The following PTPRT variants were observed in gnomAD, a reference collection of about 807,000 sequenced individuals.
The protein encoded by PTPRT is protein tyrosine phosphatase receptor type T.
In PTPRT, 56 loss-of-function variants were observed where a neutral mutation model predicts 176.8. The ratio of observed to expected loss-of-function variants is 0.32; its 90% CI spans 0.26 to 0.40. The LOEUF is 0.40. Among genes scored for constraint, PTPRT ranks in the 10% least tolerant of loss-of-function variants. The pLI is 1.00. For missense variants in PTPRT, 1,540 were observed against 1,908.2 expected (o/e 0.81, Z 3.60); for synonymous variants, 783 against 739.0 (o/e 1.06, Z -0.96).
At chr20:42,645,915 T>G (rs2074885758) in intron 7 of PTPRT, among the ~76,000 whole-genome samples, 1 of 152,130 alleles carries the variant, frequency 6.6e-6, no homozygotes, top group African/African-American at 2.4e-5. Flanking sequence ...GTGCTGGAGA[T>G]GCTTCAATTA....
At chr20:42,165,192 C>T (rs1989774658) in intron 16 of PTPRT, among the ~76,000 whole-genome samples, 1 of 152,074 alleles carries the variant, frequency 6.6e-6, no homozygotes, top group African/African-American at 2.4e-5. Context: ...ATCCCCTGCC[C>T]CACTGCTACC....
At chr20:42,248,621 G>A (rs1348148337) in intron 14 of PTPRT, 66 bp downstream of exon 14, 1 of 1,571,764 alleles carries the variant, frequency 6.4e-7, no homozygotes, top group Non-Finnish European at 8.7e-7. Context: ...GCAAAAACCT[G>A]GCCACACAGC....
intron 7 of PTPRT, among the ~76,000 whole-genome samples, chr20:42,571,950 G>A (rs2073162271): frequency 6.6e-6 from 1 of 152,168 alleles, no homozygotes; most frequent in Non-Finnish European, 1.5e-5. Flanking sequence ...TTAGAGCCTG[G>A]TGCTCTCCTG....
At chr20:43,041,493 C>T (rs1986603018) in intron 1 of PTPRT, among the ~76,000 whole-genome samples, 1 of 152,220 alleles carries the variant, frequency 6.6e-6, no homozygotes, top group East Asian at 1.9e-4. Flanking sequence ...GACAAGTCCG[C>T]CCTGTCTCCC....
At chr20:42,436,611 G>A (rs1306392308) in intron 9 of PTPRT, among the ~76,000 whole-genome samples, 1 of 152,140 alleles carries the variant, frequency 6.6e-6, no homozygotes, top group African/African-American at 2.4e-5. Context: ...AACCAGTTTG[G>A]GAAAGAGTTT....
intron 15 of PTPRT, among the ~76,000 whole-genome samples, chr20:42,214,213 G>C (rs1045716647): frequency 6.6e-6 from 1 of 152,116 alleles, no homozygotes; most frequent in Non-Finnish European, 1.5e-5. Context: ...GTTATGTCAC[G>C]CTTAGGCAAA....
intron 15 of PTPRT, among the ~76,000 whole-genome samples, chr20:42,212,518 G>A (rs1240085635): frequency 6.6e-6 from 1 of 151,974 alleles, no homozygotes; most frequent in Admixed American, 6.6e-5. Flanking sequence ...TCAGGAGGCA[G>A]GACTGCATAG....
intron 1 of PTPRT, among the ~76,000 whole-genome samples, chr20:43,123,172 G>T: frequency 6.6e-6 from 1 of 152,108 alleles, no homozygotes; most frequent in Non-Finnish European, 1.5e-5. Context: ...TTTCTTTATG[G>T]CAGCACAAAA....
At chr20:43,040,626 G>T (rs1466196068) in intron 1 of PTPRT, among the ~76,000 whole-genome samples, 1 of 152,140 alleles carries the variant, frequency 6.6e-6, no homozygotes, top group East Asian at 1.9e-4. Flanking sequence ...TGAAAGATGG[G>T]AATACCTGCT....
intron 7 of PTPRT, among the ~76,000 whole-genome samples, chr20:42,650,320 A>G (rs1171201387): frequency 2.0e-5 from 3 of 152,148 alleles, no homozygotes; most frequent in Non-Finnish European, 4.4e-5. Context: ...AGGTTTCTGC[A>G]CAAATCACTG....
chr20:42,635,181 T>A (rs571682898), intron 7 of PTPRT, among the ~76,000 whole-genome samples: 1 of 152,272 alleles, frequency 6.6e-6, no homozygotes, highest in East Asian at 1.9e-4. Flanking sequence ...TTATTTTAAA[T>A]CAGTATGAAT....
intron 16 of PTPRT, among the ~76,000 whole-genome samples, chr20:42,171,260 A>G (rs1990068944): frequency 6.6e-6 from 1 of 152,216 alleles, no homozygotes; most frequent in Admixed American, 6.5e-5. Flanking sequence ...CAAGAATGGA[A>G]GAAGTCTTGT....
At chr20:42,739,560 G>A (rs1208494581) in intron 6 of PTPRT, among the ~76,000 whole-genome samples, 1 of 152,138 alleles carries the variant, frequency 6.6e-6, no homozygotes, top group Non-Finnish European at 1.5e-5. Context: ...GAAAGATGGG[G>A]AAGTGTTAGA....
At position 42,104,632 on chromosome 20, in the gene PTPRT, G is replaced by T; in HGVS notation, c.3477C>A (p.Leu1159=). 6.2e-7 allele frequency: 1 copy of T among 1,608,846 alleles called. No individual in the cohort carries two copies. The highest frequency in any genetic ancestry group is 1.1e-5 in the South Asian group (1 of 90,960). ...TAIPVCEFRS[L]YYNISRLDPQ... is the part of the protein sequence containing the mutation. The stretch of plus-strand genomic sequence containing the variant: ...GGTCCAGCCTGCTGATATTGTAGTA[G>T]AGAGAACGGAACTCACACACAGGGA... The change falls in exon 25 of 31, where the codon CTC becomes CTA. Residue 1159 remains leucine, a synonymous_variant. Coordinates refer to ENST00000373187, the MANE Select transcript of PTPRT (RefSeq NM_007050.6).
chr20:43,069,322 A>G (rs1360697527), intron 1 of PTPRT, among the ~76,000 whole-genome samples: 1 of 152,190 alleles, frequency 6.6e-6, no homozygotes, highest in African/African-American at 2.4e-5. Flanking sequence ...AGGTCTTCCA[A>G]CACCAGCAGC....
At chr20:42,450,124 C>T (rs2070802463) in intron 8 of PTPRT, among the ~76,000 whole-genome samples, 1 of 152,134 alleles carries the variant, frequency 6.6e-6, no homozygotes, top group African/African-American at 2.4e-5. Context: ...AGTCACTAAT[C>T]CTTTATTATT....
At chr20:42,600,074 G>A (rs1263784820) in intron 7 of PTPRT, among the ~76,000 whole-genome samples, 1 of 152,030 alleles carries the variant, frequency 6.6e-6, no homozygotes, top group Non-Finnish European at 1.5e-5. Context: ...CATCTGTCCT[G>A]GGGGATCTTT....
chr20:42,682,051 G>A (rs1056797648), intron 6 of PTPRT, among the ~76,000 whole-genome samples: 1 of 152,236 alleles, frequency 6.6e-6, no homozygotes, highest in African/African-American at 2.4e-5. Context: ...GACAGAGCCT[G>A]AGGGAAGTTT....
intron 24 of PTPRT, among the ~76,000 whole-genome samples, chr20:42,106,001 T>C (rs1600521200): frequency 1.3e-5 from 2 of 152,190 alleles, no homozygotes; most frequent in East Asian, 3.9e-4. Context: ...AGTGAGAGTG[T>C]GGTTCTGGCG....
Sources: allele counts gnomAD v4.1 joint callset (sites outside exome capture counted in the v4.1 genomes callset), GRCh38; gene constraint gnomAD v4.1.1; transcripts MANE v1.5; gene names NCBI Gene and HGNC (gene_info 2026-07-23, HGNC 2026-07-21).